Variants in MPV17L2 observed in about 807,000 individuals in gnomAD.
MPV17L2 encodes MPV17 mitochondrial inner membrane protein like 2.
A neutral mutation model predicts 24.2 loss-of-function variants in MPV17L2; 25 were observed. That is an observed-to-expected ratio of 1.03 (90% CI 0.75 to 1.44). The LOEUF is 1.44. Among genes scored for constraint, MPV17L2 ranks in the 40% most tolerant of loss-of-function variants. The pLI, the probability that MPV17L2 is intolerant of heterozygous loss-of-function variation, is 0.00. For missense variants in MPV17L2, 271 were observed against 276.2 expected (o/e 0.98, Z 0.13); for synonymous variants, 130 against 121.4 (o/e 1.07, Z -0.46).
At chr19:18,194,069 A>G in intron 2 of MPV17L2, 35 bp downstream of exon 2, 1 of 1,604,764 alleles carries the variant, frequency 6.2e-7, no homozygotes, top group Non-Finnish European at 8.5e-7. Flanking sequence ...TTTGCCTCTC[A>G]TAGGTCGGGA....
intron 2 of MPV17L2, 25 bp from the exon 3 acceptor site, chr19:18,194,752 T>A: frequency 6.3e-7 from 1 of 1,587,392 alleles, no homozygotes; most frequent in Non-Finnish European, 8.6e-7. Flanking sequence ...CCTCTAACAC[T>A]CTCATTTCTT....
chr19:18,195,409 A>C lies in MPV17L2; in HGVS notation c.564+323A>C, dbSNP rs926200267. 2.6e-5 allele frequency among the ~76,000 whole-genome samples: 4 copies of C among 152,110 alleles called. No individual in the cohort carries two copies. In the South Asian group the frequency reaches 6.2e-4, roughly 24 times the overall value. Reference sequence around the variant, plus strand: ...AAAATACAAAAAATTACTGGTACGCACCTGTAATTCCAGTTACTTGAGAGG... The same window carrying C: ...AAAATACAAAAAATTACTGGTACGCCCCTGTAATTCCAGTTACTTGAGAGG... On this transcript the variant is annotated intron_variant, in intron 4 of 4. Coordinates refer to ENST00000599612, the MANE Select transcript of MPV17L2 (RefSeq NM_032683.3).
Position 18,196,228 on chromosome 19 carries a change from T to A in MPV17L2, c.*173T>A. 6.5e-7 allele frequency: 1 copy of A among 1,531,108 alleles called. No homozygotes were observed. Among genetic ancestry groups the A allele is most frequent in the East Asian group, 2.5e-5 (1 of 40,604 alleles). 94.8% of individuals were successfully genotyped at this position (1,531,108 alleles called of 1,614,324 possible). A position where few individuals can be genotyped will look rare whatever the true frequency, so the allele number is the denominator to read the frequency against. On this transcript the variant is annotated 3_prime_UTR_variant, in exon 5 of 5. Transcript: ENST00000599612. ...TTCCAAGCTCACTTCTGGGACTGAG[T>A]TTCCTCAACCGGAACACACCCATGA... is the stretch of plus-strand genomic sequence containing the variant.
At chr19:18,195,131 G>T in intron 4 of MPV17L2, 45 bp downstream of exon 4, 1 of 1,589,594 alleles carries the variant, frequency 6.3e-7, no homozygotes. Flanking sequence ...CTCCCCAGGG[G>T]GCTACACGTG....
In MPV17L2 at chr19:18,194,043, C is replaced by A. The variant is rs766088196; in HGVS notation, c.358+9C>A. On this transcript the variant is annotated intron_variant, in intron 2 of 4. Coordinates refer to ENST00000599612, the MANE Select transcript of MPV17L2 (RefSeq NM_032683.3). ...CGTCTGGTACTTCTTGGGTAAGGAGCCTCCTAAGCCTAGGCTTTGCCTCTC... is the reference window on the plus strand; with the variant it reads ...CGTCTGGTACTTCTTGGGTAAGGAGACTCCTAAGCCTAGGCTTTGCCTCTC... 3 of 1,612,818 alleles carry A rather than the reference C, an allele frequency of 1.9e-6. No homozygotes were observed. The highest frequency in any genetic ancestry group is 2.2e-5 in the East Asian group (1 of 44,882).
rs938589041 is a variant in MPV17L2 at position 18,194,042 on chromosome 19, G to A, written c.358+8G>A. 1 of 1,613,040 alleles carries A rather than the reference G, an allele frequency of 6.2e-7. No homozygotes were observed. Among genetic ancestry groups the A allele is most frequent in the Admixed American group, 1.7e-5 (1 of 59,738 alleles). ...GCGTCTGGTACTTCTTGGGTAAGGA[G>A]CCTCCTAAGCCTAGGCTTTGCCTCT... On this transcript the variant is annotated splice_region_variant and intron_variant, in intron 2 of 4. Transcript: ENST00000599612.
intron 4 of MPV17L2, 113 bp from the exon 5 acceptor site, chr19:18,195,886 C>A (rs777656528): frequency 1.3e-4 from 134 of 1,004,314 alleles, no homozygotes; most frequent in Non-Finnish European, 1.1e-4. Context: ...GTGACCTCAG[C>A]CCGGTCCCTG....
Position 18,194,871 on chromosome 19 carries a change from T to TTGCACATGTCCGGCCCCGCCCCC in MPV17L2, c.435+21_435+43dup. The TTGCACATGTCCGGCCCCGCCCCC allele has an allele frequency of 6.2e-7, 1 of 1,602,448 alleles. No homozygotes were observed. Among genetic ancestry groups the TTGCACATGTCCGGCCCCGCCCCC allele is most frequent in the Non-Finnish European group, 8.5e-7 (1 of 1,175,310 alleles). On this transcript the variant is annotated intron_variant, in intron 3 of 4. Transcript: ENST00000599612. ...TCTACAAGGTGGGAGCACCCGCCCC[T>TTGCACATGTCCGGCCCCGCCCCC]TGCACATGTCCGGCCCCGCCCCCTG...
rs1333564841 is a variant in MPV17L2 at position 18,194,017 on chromosome 19, G to C, written c.341G>C (p.Gly114Ala). The change falls in exon 2 of 5, where the codon GGC becomes GCC. Residue 114 changes from glycine (G) to alanine (A), a missense_variant. Transcript: ENST00000599612. The part of the protein sequence containing the change: ...VDQLVASPLL[G>A]VWYFLGLGCL... ...CAGCTGGTAGCCTCTCCATTGCTGG[G>C]CGTCTGGTACTTCTTGGGTAAGGAG... 2 of 1,614,106 alleles carry C rather than the reference G, an allele frequency of 1.2e-6. No individual in the cohort carries two copies. Among genetic ancestry groups the C allele is most frequent in the Non-Finnish European group, 1.7e-6 (2 of 1,179,972 alleles).
In MPV17L2 at chr19:18,196,533, C is replaced by A; in HGVS notation, c.*478C>A. The A allele has an allele frequency of 1.1e-6, 1 of 928,840 alleles. No homozygotes were observed. Among genetic ancestry groups the A allele is most frequent in the Non-Finnish European group, 1.5e-6 (1 of 680,576 alleles). 57.5% of individuals were successfully genotyped at this position (928,840 alleles called of 1,614,324 possible). A position where few individuals can be genotyped will look rare whatever the true frequency, so the allele number is the denominator to read the frequency against. ...GCCAGGCAGCCTCTGTGTTTCTTTC[C>A]CTGGTCCTGAACTGTGGAAATGCCA... On this transcript the variant is annotated 3_prime_UTR_variant, in exon 5 of 5. Coordinates refer to ENST00000599612, the MANE Select transcript of MPV17L2 (RefSeq NM_032683.3).
At position 18,193,398 on chromosome 19, in the gene MPV17L2, C is replaced by T; in HGVS notation, c.117C>T (p.Ala39=). ...TGGGCTGCGGCGCGCTCATGGCGGC[C>T]GGTGATGGCGTGCGCCAGTCCTGGG... ...NTLGCGALMA[A]GDGVRQSWEI... is the part of the protein sequence containing the mutation. Residue 39 remains alanine (A), a synonymous_variant, in exon 1 of 5, where the codon GCC becomes GCT. Coordinates refer to ENST00000599612, the MANE Select transcript of MPV17L2 (RefSeq NM_032683.3). 1 of 1,567,802 alleles carries T rather than the reference C, an allele frequency of 6.4e-7. No individual in the cohort carries two copies. Among genetic ancestry groups the T allele is most frequent in the Non-Finnish European group, 8.6e-7 (1 of 1,164,622 alleles).
chr19:18,193,618 G>A, intron 1 of MPV17L2, 150 bp downstream of exon 1: 5 of 1,410,698 alleles, frequency 3.5e-6, no homozygotes, highest in Non-Finnish European at 4.6e-6. Context: ...TCTCCCCGCA[G>A]CTCTGGGTCT....
At chr19:18,194,511 C>G (rs1295945625) in intron 2 of MPV17L2, among the ~76,000 whole-genome samples, 1 of 152,206 alleles carries the variant, frequency 6.6e-6, no homozygotes, top group Non-Finnish European at 1.5e-5. Context: ...ACAACTCCCT[C>G]AACTTCAGGG....
Position 18,194,838 on chromosome 19 carries a change from C to T in MPV17L2, c.420C>T (p.Phe140=). ...GCTGCCAGGAGCTGCGGGAGAAGTT[C>T]TGGGAATTCTACAAGGTGGGAGCAC... ...GESCQELREK[F]WEFYKADWCV... Residue 140 remains phenylalanine, a synonymous_variant, in exon 3 of 5, where the codon TTC becomes TTT. Transcript: ENST00000599612. 6.2e-7 allele frequency: 1 copy of T among 1,608,762 alleles called. No homozygotes were observed. The highest frequency in any genetic ancestry group is 8.5e-7 in the Non-Finnish European group (1 of 1,178,280).
At chr19:18,194,444 G>T (rs1967474946) in intron 2 of MPV17L2, among the ~76,000 whole-genome samples, 1 of 152,186 alleles carries the variant, frequency 6.6e-6, no homozygotes, top group Admixed American at 6.5e-5. Context: ...ATTAATAGAG[G>T]AGTCTCTCAT....
Position 18,193,854 on chromosome 19 carries a change from A to G in MPV17L2, c.188-10A>G, listed in dbSNP as rs1215566571. 6.2e-7 allele frequency: 1 copy of G among 1,612,012 alleles called. No individual in the cohort carries two copies. Among genetic ancestry groups the G allele is most frequent in the Non-Finnish European group, 8.5e-7 (1 of 1,178,966 alleles). ...GGCCCGACCCAGCCCCCTGACTTACACTCTTATAGCGAGCATGTTTGCGGT... is the reference window on the plus strand; with the variant it reads ...GGCCCGACCCAGCCCCCTGACTTACGCTCTTATAGCGAGCATGTTTGCGGT... On this transcript the variant is annotated splice_polypyrimidine_tract_variant and intron_variant, in intron 1 of 4. Coordinates refer to ENST00000599612, the MANE Select transcript of MPV17L2 (RefSeq NM_032683.3).
At chr19:18,195,878 G>A (rs953684538) in intron 4 of MPV17L2, 121 bp from the exon 5 acceptor site, 14 of 898,278 alleles carry the variant, frequency 1.6e-5, no homozygotes, top group Non-Finnish European at 2.4e-5. Context: ...TGTCTGATGT[G>A]ACCTCAGCCC....
Position 18,196,349 on chromosome 19 carries a change from C to T in MPV17L2, c.*294C>T, listed in dbSNP as rs1291684861. On this transcript the variant is annotated 3_prime_UTR_variant, in exon 5 of 5. Transcript: ENST00000599612. ...TCAGCACAGGGCCCACTCTGCCAAC[C>T]AGTCTCAAGCACCAGCCCCTCAACA... 1 of 1,375,198 alleles carries T rather than the reference C, an allele frequency of 7.3e-7. No individual in the cohort carries two copies. The highest frequency in any genetic ancestry group is 1.5e-5 in the African/African-American group (1 of 68,892). The allele number at this position is 1,375,198 out of a possible 1,614,324, so 85.2% of individuals were successfully genotyped here.
chr19:18,193,377 C>G lies in MPV17L2; in HGVS notation c.96C>G (p.Gly32=), dbSNP rs770923912. The G allele has an allele frequency of 3.8e-6, 6 of 1,568,218 alleles. No individual in the cohort carries two copies. The highest frequency in any genetic ancestry group is 5.2e-6 in the Non-Finnish European group (6 of 1,163,310). ...CGCTGCTCGTCACTAACACGCTGGG[C>G]TGCGGCGCGCTCATGGCGGCCGGTG... The part of the protein sequence containing the change: ...GRALLVTNTL[G]CGALMAAGDG... Residue 32 remains glycine, a synonymous_variant, in exon 1 of 5, where the codon GGC becomes GGG. Transcript: ENST00000599612.
Sources: allele counts gnomAD v4.1 joint callset (sites outside exome capture counted in the v4.1 genomes callset), GRCh38; gene constraint gnomAD v4.1.1; transcripts MANE v1.5; gene names NCBI Gene and HGNC (gene_info 2026-07-23, HGNC 2026-07-21).